P2RY2: variants seen among roughly 807,000 people sequenced by gnomAD.
The protein encoded by P2RY2 is purinergic receptor P2Y2, also known as P2Y purinoceptor 2.
For synonymous variants in P2RY2, 241 were observed against 231.9 expected, an observed-to-expected ratio of 1.04 and a Z score of -0.35; for missense variants, 567 against 515.7, an observed-to-expected ratio of 1.10 and a Z score of -0.96.
rs1328631052 is a variant in P2RY2, at chr11:73,223,463, C to CATGTG, written c.-199-4517_-199-4516insTGTGA. On this transcript the variant is annotated intron_variant, in intron 1 of 2. Transcript: ENST00000393597. ...GTGTCTCCCTGTTGTGACAGGCAGA[C>CATGTG]ACAGCCTCCACATTAGGACAGTTCA... Among the ~76,000 whole-genome samples the CATGTG allele has an allele frequency of 4.0e-5, 6 of 151,892 alleles. No individual in the cohort carries two copies. The South Asian group carries it at 1.2e-3, about 32-fold the overall frequency.
intron 1 of P2RY2, among the ~76,000 whole-genome samples, chr11:73,219,019 G>A (rs1862045702): frequency 6.6e-6 from 1 of 152,186 alleles, no homozygotes; most frequent in Non-Finnish European, 1.5e-5. Context: ...CGGTAGAAAG[G>A]GTCAGTCAGG....
At position 73,234,577 on chromosome 11, in the gene P2RY2, C is replaced by T. The variant is rs768365281; in HGVS notation, c.418C>T (p.Arg140Cys). ...GTGTCTGGGCGTCTTACGACCTCTG[C>T]GCTCCCTGCGCTGGGGCCGGGCCCG... ...HRCLGVLRPL[R>C]SLRWGRARYA... is the part of the protein sequence containing the mutation. Residue 140 changes from arginine to cysteine, a missense_variant, in exon 3 of 3, where the codon CGC (arginine) becomes TGC (cysteine). Physicochemically the swap from Arg to Cys is radical, Grantham distance 180 (BLOSUM62 -3). Transcript: ENST00000393597. 1.3e-6 allele frequency: 2 copies of T among 1,577,204 alleles called. No individual in the cohort carries two copies. The highest frequency in any genetic ancestry group is 8.6e-7 in the Non-Finnish European group (1 of 1,160,970).
chr11:73,229,919 C>G (rs569140317), intron 2 of P2RY2, among the ~76,000 whole-genome samples: 1 of 152,106 alleles, frequency 6.6e-6, no homozygotes, highest in African/African-American at 2.4e-5. Context: ...GGCAGAGGAC[C>G]TCCCGGGGAT....
intron 1 of P2RY2, among the ~76,000 whole-genome samples, chr11:73,222,836 G>A (rs1299524221): frequency 6.6e-6 from 1 of 152,164 alleles, no homozygotes; most frequent in African/African-American, 2.4e-5. Flanking sequence ...CTTGGTTATG[G>A]TTTATTCACC....
At chr11:73,228,644 G>A (rs1017600111) in intron 2 of P2RY2, among the ~76,000 whole-genome samples, 1 of 152,206 alleles carries the variant, frequency 6.6e-6, no homozygotes, top group Non-Finnish European at 1.5e-5. Flanking sequence ...AGTCTCCTGG[G>A]CTCCTGTGGC....
chr11:73,224,684 C>T (rs1224467626), intron 1 of P2RY2, among the ~76,000 whole-genome samples: 3 of 152,162 alleles, frequency 2.0e-5, no homozygotes, highest in Non-Finnish European at 2.9e-5. Context: ...CCCTGGACTG[C>T]CTTCCCCCTG....
chr11:73,221,275 C>T (rs996852322), intron 1 of P2RY2, among the ~76,000 whole-genome samples: 6 of 152,140 alleles, frequency 3.9e-5, no homozygotes, highest in African/African-American at 1.4e-4. Flanking sequence ...CTTCCTATAG[C>T]CCTGTGAGGG....
At chr11:73,232,625 T>A (rs1228612576) in intron 2 of P2RY2, among the ~76,000 whole-genome samples, 1 of 152,116 alleles carries the variant, frequency 6.6e-6, no homozygotes, top group East Asian at 1.9e-4. Context: ...GCCAGGTTGG[T>A]CTTGAACTCC....
chr11:73,229,708 T>C (rs374106542), intron 2 of P2RY2, among the ~76,000 whole-genome samples: 87 of 151,908 alleles, frequency 5.7e-4, no homozygotes, highest in African/African-American at 2.0e-3. Context: ...GACAGGGAAG[T>C]CTCCACCCCT....
At position 73,234,625 on chromosome 11, in the gene P2RY2, GC is replaced by G; in HGVS notation, c.468del (p.Val157CysfsTer25). The G allele has an allele frequency of 1.3e-6, 2 of 1,569,716 alleles. No homozygotes were observed. Among genetic ancestry groups the G allele is most frequent in the Non-Finnish European group, 1.7e-6 (2 of 1,157,108 alleles). On this transcript the variant is annotated frameshift_variant, in exon 3 of 3. Transcript: ENST00000393597. LOFTEE classifies it low-confidence loss of function (END_TRUNC). The stretch of plus-strand genomic sequence containing the variant: ...CCGCTACGCTCGCCGGGTGGCCGGG[GC>G]CGTGTGGGTGTTGGTGCTGGCCTGC... ...RARYARRVAGAVWVLVLACQA... is the reference protein window; with the variant it reads ...RARYARRVAGXVWVLVLACQA...
chr11:73,233,298 A>G (rs549171060), intron 2 of P2RY2, among the ~76,000 whole-genome samples: 9 of 152,356 alleles, frequency 5.9e-5, no homozygotes, highest in East Asian at 5.8e-4. Context: ...AAGTGAAGGA[A>G]TAACTGAAGA....
intron 1 of P2RY2, among the ~76,000 whole-genome samples, chr11:73,226,557 TC>T (rs1355654349): frequency 1.3e-5 from 2 of 151,000 alleles, no homozygotes; most frequent in East Asian, 3.9e-4. Context: ...CTCTCCCACA[TC>T]CCCCCAGCCT....
In P2RY2 at chr11:73,236,789, A is replaced by G; in HGVS notation, c.*1496A>G. 1.0e-6 allele frequency: 1 copy of G among 985,416 alleles called. No individual in the cohort carries two copies. Among genetic ancestry groups the G allele is most frequent in the Non-Finnish European group, 1.2e-6 (1 of 829,914 alleles). The allele number at this position is 985,416 out of a possible 1,614,324, so 61.0% of individuals were successfully genotyped here. ...GGCAGGGTGGTGCTCAGGCTGGGTCAGGACTTAGTATGGGGGAGATGGGTC... is the reference window on the plus strand; with the variant it reads ...GGCAGGGTGGTGCTCAGGCTGGGTCGGGACTTAGTATGGGGGAGATGGGTC... On this transcript the variant is annotated 3_prime_UTR_variant, in exon 3 of 3. Transcript: ENST00000393597.
intron 2 of P2RY2, among the ~76,000 whole-genome samples, chr11:73,233,527 G>A (rs1251166174): frequency 6.6e-6 from 1 of 152,188 alleles, no homozygotes; most frequent in Non-Finnish European, 1.5e-5. Flanking sequence ...AAAATTACCT[G>A]CTCTGGCACC....
intron 1 of P2RY2, among the ~76,000 whole-genome samples, chr11:73,223,005 G>C (rs1476581353): frequency 6.6e-6 from 1 of 152,186 alleles, no homozygotes; most frequent in East Asian, 1.9e-4. Context: ...TGTGGTTCCT[G>C]GGAATGTGAT....
chr11:73,234,443 G>A lies in P2RY2; in HGVS notation c.284G>A (p.Arg95His), dbSNP rs1467125605. ...CCGCTGCTGGTCTATTACTACGCCC[G>A]CGGCGACCACTGGCCCTTCAGCACG... ...SLPLLVYYYA[R>H]GDHWPFSTVL... The change falls in exon 3 of 3, where the codon CGC (arginine) becomes CAC (histidine). Residue 95 changes from arginine (R) to histidine (H), a missense_variant. Coordinates refer to ENST00000393597, the MANE Select transcript of P2RY2 (RefSeq NM_002564.4). The A allele has an allele frequency of 2.5e-6, 4 of 1,614,100 alleles. 1 individual carries two copies. Among genetic ancestry groups the A allele is most frequent in the Admixed American group, 1.7e-5 (1 of 60,016 alleles).
At position 73,225,609 on chromosome 11, in the gene P2RY2, G is replaced by A. The variant is rs1862255295; in HGVS notation, c.-199-2372G>A. Among the ~76,000 whole-genome samples, 4 of 117,440 alleles carry A rather than the reference G, an allele frequency of 3.4e-5. No homozygotes were observed. The South Asian group carries it at 9.3e-4, about 27-fold the overall frequency. 77.0% of individuals were successfully genotyped at this position (117,440 alleles called of 152,430 possible). A position where few individuals can be genotyped will look rare whatever the true frequency, so the allele number is the denominator to read the frequency against. On this transcript the variant is annotated intron_variant, in intron 1 of 2. Transcript: ENST00000393597. ...GGGGCCTTGCAGGGCAGGAGGTAGT[G>A]GTCAGGGGCACAGCCTCTGAAATCA...
At chr11:73,226,556 A>G (rs1565137442) in intron 1 of P2RY2, among the ~76,000 whole-genome samples, 1 of 151,368 alleles carries the variant, frequency 6.6e-6, no homozygotes, top group African/African-American at 2.4e-5. Flanking sequence ...CCTCTCCCAC[A>G]TCCCCCCAGC....
chr11:73,231,683 C>T (rs1260911434), intron 2 of P2RY2, among the ~76,000 whole-genome samples: 1 of 152,166 alleles, frequency 6.6e-6, no homozygotes. Flanking sequence ...GGAAAAGCAG[C>T]TCAGGGTCTA....
Sources: gnomAD v4.1 joint callset for allele counts (sites outside exome capture counted in the v4.1 genomes callset) on GRCh38, gnomAD v4.1.1 for gene constraint, MANE v1.5 for transcripts, NCBI Gene and HGNC (gene_info 2026-07-23, HGNC 2026-07-21) for gene names.